The following MYO7B variants were observed in gnomAD, a reference collection of about 807,000 sequenced individuals.
The protein encoded by MYO7B is unconventional myosin-VIIb.
MYO7B carries 212 observed loss-of-function variants against 259.7 expected under a neutral mutation model. The observed-to-expected ratio is 0.82, with a 90% confidence interval of 0.73 to 0.91. The LOEUF (loss-of-function observed/expected upper bound fraction) is 0.91, where lower values mean the gene tolerates loss of function less well. Among genes scored for constraint, MYO7B ranks in the 40% least tolerant of loss-of-function variants. The pLI is 0.00. For synonymous variants in MYO7B, 1,197 were observed against 1,166.4 expected (o/e 1.03, Z -0.54); for missense variants, 2,732 against 2,813.5 (o/e 0.97, Z 0.66).
chr2:127,581,373 A>AC (rs1332259714), intron 10 of MYO7B, among the ~76,000 whole-genome samples: 2 of 152,116 alleles, frequency 1.3e-5, no homozygotes, highest in Admixed American at 1.3e-4. Flanking sequence ...ACCCCACGTC[A>AC]CCCCCATTGA....
intron 16 of MYO7B, among the ~76,000 whole-genome samples, chr2:127,592,064 C>T (rs1679578331): frequency 6.6e-6 from 1 of 152,220 alleles, no homozygotes; most frequent in Non-Finnish European, 1.5e-5. Flanking sequence ...GGGCAGCTTT[C>T]CACCCCGACC....
At position 127,622,144 on chromosome 2, in the gene MYO7B, C is replaced by T. The variant is rs112017250; in HGVS notation, c.3645+43C>T. ...TGAGAGCGGGCAGGGTGGGGTGGTG[C>T]AGACCCCCAGGGACCCCCAGCACAG... On this transcript the variant is annotated intron_variant, in intron 28 of 47. Transcript: ENST00000409816. 1.4e-3 allele frequency: 2,074 copies of T among 1,526,810 alleles called. 31 individuals are homozygous for T. In the African/African-American group the frequency reaches 0.022, roughly 16 times the overall value. 94.6% of individuals were successfully genotyped at this position (1,526,810 alleles called of 1,614,324 possible).
chr2:127,567,411 T>G (rs1045155761), intron 5 of MYO7B, among the ~76,000 whole-genome samples: 5 of 152,046 alleles, frequency 3.3e-5, no homozygotes, highest in Non-Finnish European at 7.4e-5. Flanking sequence ...AGAAGGAAAG[T>G]GTCCCCTCCA....
Position 127,592,799 on chromosome 2 carries a change from C to T in MYO7B, c.1998C>T (p.Phe666=), listed in dbSNP as rs376826480. The T allele has an allele frequency of 1.9e-5, 30 of 1,609,502 alleles. No homozygotes were observed. Among genetic ancestry groups the T allele is most frequent in the Admixed American group, 1.8e-4 (11 of 59,670 alleles). ...CGCCCGGTGTCCGCCCACAGCTGTT[C>T]GACCGGGAGCTGTGCCTGCGGCAGC... ...KPNEYKKPLL[F]DRELCLRQLR... Residue 666 remains phenylalanine, a synonymous_variant, in exon 17 of 48, where the codon TTC becomes TTT. Coordinates refer to ENST00000409816, the MANE Select transcript of MYO7B (RefSeq NM_001393586.1).
chr2:127,630,998 C>T, intron 36 of MYO7B, 90 bp downstream of exon 36: 1 of 1,418,618 alleles, frequency 7.0e-7, no homozygotes, highest in Non-Finnish European at 9.6e-7. Flanking sequence ...CCCCGCTCCA[C>T]CTCATTGCAC....
In MYO7B at chr2:127,627,801, C is replaced by A. The variant is rs1160495273; in HGVS notation, c.4460+491C>A. The A allele has an allele frequency of 4.4e-6, 2 of 457,800 alleles. No homozygotes were observed. Among genetic ancestry groups the A allele is most frequent in the Non-Finnish European group, 8.8e-6 (2 of 227,768 alleles). The allele number at this position is 457,800 out of a possible 1,614,324, so 28.4% of individuals were successfully genotyped here. On this transcript the variant is annotated intron_variant, in intron 33 of 47. Coordinates refer to ENST00000409816, the MANE Select transcript of MYO7B (RefSeq NM_001393586.1). This position sits in a 1 kb window ranked among gnomAD's most constrained non-coding sequence, Gnocchi z 5.6. ...TCATTGACTGGGAACTTTTCCATGC[C>A]CTTTGGGAAGTCCCACCCAAGCCCT...
At chr2:127,541,249 T>C (rs1178309824) in intron 1 of MYO7B, among the ~76,000 whole-genome samples, 1 of 151,638 alleles carries the variant, frequency 6.6e-6, no homozygotes, top group Non-Finnish European at 1.5e-5. Flanking sequence ...TGATGGGGGC[T>C]TCTCCAGGGC....
In MYO7B at chr2:127,620,399, T is replaced by C. The variant is rs567640938; in HGVS notation, c.3458T>C (p.Leu1153Pro). Residue 1153 changes from leucine (L) to proline (P), a missense_variant, in exon 27 of 48, where the codon CTG (leucine) becomes CCG (proline). Coordinates refer to ENST00000409816, the MANE Select transcript of MYO7B (RefSeq NM_001393586.1). ...TCGGAGAACTTCAAAACAAGCAGCCTGGCCCGGGGCTGGATCCTGCTCAGC... is the reference window on the plus strand; with the variant it reads ...TCGGAGAACTTCAAAACAAGCAGCCCGGCCCGGGGCTGGATCCTGCTCAGC... ...QLSENFKTSS[L>P]ARGWILLSLC... 6.5e-7 allele frequency: 1 copy of C among 1,527,046 alleles called. No homozygotes were observed. The highest frequency in any genetic ancestry group is 8.9e-7 in the Non-Finnish European group (1 of 1,125,432). The allele number at this position is 1,527,046 out of a possible 1,614,324, so 94.6% of individuals were successfully genotyped here. A position where few individuals can be genotyped will look rare whatever the true frequency, so the allele number is the denominator to read the frequency against.
intron 18 of MYO7B, 80 bp downstream of exon 18, chr2:127,593,724 C>A: frequency 7.7e-7 from 1 of 1,304,618 alleles, no homozygotes. Flanking sequence ...GCCCGGGGTC[C>A]ATGGTCCATG....
chr2:127,632,490 T>C (rs1423571815), intron 39 of MYO7B, 89 bp downstream of exon 39: 3 of 1,445,142 alleles, frequency 2.1e-6, no homozygotes, highest in African/African-American at 2.9e-5. Flanking sequence ...CAGGAGCTCA[T>C]GGTCCTGGGA....
rs1043050368 is a variant in MYO7B at position 127,590,749 on chromosome 2, T to C, written c.1992+520T>C. On this transcript the variant is annotated intron_variant, in intron 16 of 47. Coordinates refer to ENST00000409816, the MANE Select transcript of MYO7B (RefSeq NM_001393586.1). The surrounding 1 kb of genome is among the most constrained non-coding windows in gnomAD (Gnocchi z 4.6). ...GCCCACAACGGAGTCCCTGCTCCAT[T>C]GGGTGGGGAGTCCCACCCAGAGGCC... is the stretch of plus-strand genomic sequence containing the variant. 1.3e-5 allele frequency among the ~76,000 whole-genome samples: 2 copies of C among 152,210 alleles called. No individual in the cohort carries two copies. The highest frequency in any genetic ancestry group is 2.4e-5 in the African/African-American group (1 of 41,450).
In MYO7B at chr2:127,607,262, G is replaced by A. The variant is rs1338240600; in HGVS notation, c.2481G>A (p.Arg827=). ...TTGCCCGGAGCCAGCCGCTGGCGAG[G>A]CAGTACCAGGCCATGCGGCAGAGGA... ...QAIARSQPLA[R]QYQAMRQRTV... is the part of the protein sequence containing the mutation. The change falls in exon 21 of 48, where the codon AGG becomes AGA. Residue 827 remains arginine (R), a synonymous_variant. Coordinates refer to ENST00000409816, the MANE Select transcript of MYO7B (RefSeq NM_001393586.1). The surrounding 1 kb of genome is among the most constrained non-coding windows in gnomAD (Gnocchi z 4.4). 3 of 1,551,130 alleles carry A rather than the reference G, an allele frequency of 1.9e-6. No individual in the cohort carries two copies. Among genetic ancestry groups the A allele is most frequent in the Non-Finnish European group, 2.6e-6 (3 of 1,147,028 alleles).
At position 127,577,948 on chromosome 2, in the gene MYO7B, G is replaced by A. The variant is rs1243410001; in HGVS notation, c.850-185G>A. 6.6e-6 allele frequency among the ~76,000 whole-genome samples: 1 copy of A among 152,250 alleles called. No homozygotes were observed. The highest frequency in any genetic ancestry group is 1.5e-5 in the Non-Finnish European group (1 of 68,048). ...ACACAGTGGCCAAATGCTGGTGCTG[G>A]TGGCAAGGCCTGATCATGCTGTGGC... is the stretch of plus-strand genomic sequence containing the variant. On this transcript the variant is annotated intron_variant, in intron 8 of 47. Transcript: ENST00000409816. This position sits in a 1 kb window ranked among gnomAD's most constrained non-coding sequence, Gnocchi z 5.2.
chr2:127,620,839 G>A (rs1474130720), intron 27 of MYO7B, among the ~76,000 whole-genome samples: 1 of 152,258 alleles, frequency 6.6e-6, no homozygotes, highest in Non-Finnish European at 1.5e-5. Context: ...TCTTAGGACT[G>A]AAAATGGAGC....
rs903928930 is a variant in MYO7B, at chr2:127,615,307, G to A, written c.3398+2704G>A. ...GGTTACTACTTGAGACCATTGCTAC[G>A]ATAGTTACTACTGTCACTACTTGAG... is the stretch of plus-strand genomic sequence containing the variant. On this transcript the variant is annotated intron_variant, in intron 26 of 47. Transcript: ENST00000409816. The surrounding 1 kb of genome is among the most constrained non-coding windows in gnomAD (Gnocchi z 4.4). Among the ~76,000 whole-genome samples, 1 of 152,082 alleles carries A rather than the reference G, an allele frequency of 6.6e-6. No homozygotes were observed. The highest frequency in any genetic ancestry group is 1.5e-5 in the Non-Finnish European group (1 of 68,026).
In MYO7B at chr2:127,636,316, G is replaced by A. The variant is rs1462931783; in HGVS notation, c.6115G>A (p.Glu2039Lys). 6 of 1,612,976 alleles carry A rather than the reference G, an allele frequency of 3.7e-6. No homozygotes were observed. The highest frequency in any genetic ancestry group is 2.2e-5 in the South Asian group (2 of 91,034). ...RWPTFGSAFF[E>K]VKQTSEPSYP... ...GCCCACCTTCGGATCCGCCTTCTTC[G>A]AGGTGAAGGTAAACCTTGCCCCACG... is the stretch of plus-strand genomic sequence containing the variant. The change falls in exon 45 of 48, where the codon GAG becomes AAG. Residue 2039 changes from glutamate to lysine, a missense_variant. By Grantham distance (56) the Glu-to-Lys change is moderately conservative. Coordinates refer to ENST00000409816, the MANE Select transcript of MYO7B (RefSeq NM_001393586.1). The surrounding 1 kb of genome is among the most constrained non-coding windows in gnomAD (Gnocchi z 4.5).
At position 127,577,802 on chromosome 2, in the gene MYO7B, G is replaced by A. The variant is rs1678935031; in HGVS notation, c.850-331G>A. Among the ~76,000 whole-genome samples the A allele has an allele frequency of 1.3e-5, 2 of 152,242 alleles. No homozygotes were observed. Among genetic ancestry groups the A allele is most frequent in the African/African-American group, 4.8e-5 (2 of 41,472 alleles). ...CAGCACAGGGCCTGGCCCATGGCGA[G>A]CCATGGAAAGTGTTTCTTAAAGGAA... On this transcript the variant is annotated intron_variant, in intron 8 of 47. Coordinates refer to ENST00000409816, the MANE Select transcript of MYO7B (RefSeq NM_001393586.1). This position sits in a 1 kb window ranked among gnomAD's most constrained non-coding sequence, Gnocchi z 5.2.
rs762755511 is a variant in MYO7B at position 127,559,694 on chromosome 2, A to C, written c.-23-6A>C. On this transcript the variant is annotated splice_polypyrimidine_tract_variant and splice_region_variant and intron_variant, in intron 1 of 47. Coordinates refer to ENST00000409816, the MANE Select transcript of MYO7B (RefSeq NM_001393586.1). The surrounding 1 kb of genome is among the most constrained non-coding windows in gnomAD (Gnocchi z 4.1). ...AGCTGACGTTCTGCTTTCTCTCTCCATACAGGCTTGTGGAACTGCTGACTC... is the reference window on the plus strand; with the variant it reads ...AGCTGACGTTCTGCTTTCTCTCTCCCTACAGGCTTGTGGAACTGCTGACTC... 4 of 1,613,912 alleles carry C rather than the reference A, an allele frequency of 2.5e-6. No individual in the cohort carries two copies. In the South Asian group the frequency reaches 3.3e-5, roughly 13 times the overall value.
At chr2:127,571,430 C>G (rs1322670953) in intron 6 of MYO7B, among the ~76,000 whole-genome samples, 2 of 43,372 alleles carry the variant, frequency 4.6e-5, no homozygotes, top group East Asian at 2.7e-3. Flanking sequence ...TGGTCTATTT[C>G]CTTACCAGTG....
Sources: gnomAD v4.1 joint callset for allele counts (sites outside exome capture counted in the v4.1 genomes callset) on GRCh38, gnomAD v4.1.1 for gene constraint, Gnocchi (gnomAD v3.1) non-coding constraint, MANE v1.5 for transcripts, NCBI Gene and HGNC (gene_info 2026-07-23, HGNC 2026-07-21) for gene names.